PDE8A: variants seen among roughly 807,000 people sequenced by gnomAD.
PDE8A encodes the protein high affinity cAMP-specific and IBMX-insensitive 3',5'-cyclic phosphodiesterase 8A.
Under a neutral mutation model 105.0 loss-of-function variants are expected in PDE8A, and 59 were observed. The observed-to-expected ratio is 0.56, with a 90% CI of 0.46 to 0.70. PDE8A has a LOEUF of 0.70. Among genes scored for constraint, PDE8A ranks in the 30% least tolerant of loss-of-function variants. PDE8A has a pLI of 0.00. For missense variants in PDE8A, 1,014 were observed against 1,045.9 expected (o/e 0.97, Z 0.42); for synonymous variants, 355 against 371.9 (o/e 0.95, Z 0.52).
At chr15:85,075,613 T>C (rs1176942125) in intron 3 of PDE8A, among the ~76,000 whole-genome samples, 5 of 152,212 alleles carry the variant, frequency 3.3e-5, no homozygotes, top group African/African-American at 1.2e-4. Flanking sequence ...GTAGAATACA[T>C]GTCATCTTAG....
Position 85,076,741 on chromosome 15 carries a change from G to C in PDE8A, c.500G>C (p.Arg167Thr). ...VIVGVVRRVD[R>T]EELSVMPFIS... is the part of the protein sequence containing the mutation. ...ACTGTGTTATTTTGAAGGGTGGATA[G>C]AGAAGAGTTGTCCGTAATGCCTTTC... The change falls in exon 5 of 22, where the codon AGA (arginine) becomes ACA (threonine). Residue 167 changes from arginine to threonine, a missense_variant. Arg to Thr is a moderately conservative substitution (Grantham distance 71, BLOSUM62 -1). Coordinates refer to ENST00000394553, the MANE Select transcript of PDE8A (RefSeq NM_002605.3). The C allele has an allele frequency of 6.3e-7, 1 of 1,594,592 alleles. No individual in the cohort carries two copies.
chr15:85,075,985 C>G (rs1274257228), intron 4 of PDE8A, 67 bp downstream of exon 4: 2 of 807,528 alleles, frequency 2.5e-6, no homozygotes, highest in Non-Finnish European at 4.2e-6. Context: ...AACAGATGGC[C>G]AAATAACAGC....
At chr15:84,993,382 G>A (rs1187838110) in intron 1 of PDE8A, among the ~76,000 whole-genome samples, 3 of 139,162 alleles carry the variant, frequency 2.2e-5, no homozygotes, top group Non-Finnish European at 3.0e-5. Flanking sequence ...GGCAGAGTTT[G>A]TAGTGAGCCG....
chr15:84,987,734 C>T (rs957230100), intron 1 of PDE8A, among the ~76,000 whole-genome samples: 1 of 151,980 alleles, frequency 6.6e-6, no homozygotes, highest in Admixed American at 6.5e-5. Context: ...ACCTCGGCCT[C>T]CCAGAGTGCT....
chr15:85,058,995 C>G (rs892555832), intron 1 of PDE8A, among the ~76,000 whole-genome samples: 1 of 152,014 alleles, frequency 6.6e-6, no homozygotes, highest in Non-Finnish European at 1.5e-5. Flanking sequence ...GATTTGAGAT[C>G]TTATTTTCTA....
At chr15:85,055,488 G>A (rs1207505789) in intron 1 of PDE8A, among the ~76,000 whole-genome samples, 1 of 152,158 alleles carries the variant, frequency 6.6e-6, no homozygotes, top group Non-Finnish European at 1.5e-5. Context: ...ATGAATCTGG[G>A]TGCTCCTGTA....
intron 1 of PDE8A, chr15:85,062,469 G>A (rs1186256330): frequency 1.3e-5 from 2 of 152,208 alleles, no homozygotes; most frequent in Non-Finnish European, 2.9e-5. Flanking sequence ...TGAAAGGAGA[G>A]GAAGGGCACT....
chr15:85,113,814 C>T (rs1258314130), intron 13 of PDE8A, 59 bp from the exon 14 acceptor site: 2 of 1,336,790 alleles, frequency 1.5e-6, no homozygotes, highest in Non-Finnish European at 1.1e-6. Flanking sequence ...ACTGCCATGC[C>T]TGGCTCTCCC....
At chr15:85,047,666 G>A (rs1353926443) in intron 1 of PDE8A, among the ~76,000 whole-genome samples, 2 of 152,084 alleles carry the variant, frequency 1.3e-5, no homozygotes, top group Non-Finnish European at 2.9e-5. Flanking sequence ...AAATCCAAAG[G>A]TGAGTTACTT....
chr15:85,100,408 G>T, intron 11 of PDE8A: 1 of 587,830 alleles, frequency 1.7e-6, no homozygotes, highest in Non-Finnish European at 3.0e-6. Context: ...CCCTGGGGCG[G>T]GTCTCTGAGC....
intron 12 of PDE8A, among the ~76,000 whole-genome samples, chr15:85,111,251 T>A (rs890851025): frequency 1.3e-5 from 2 of 152,240 alleles, no homozygotes; most frequent in African/African-American, 4.8e-5. Context: ...GGTTTTCTAT[T>A]ATTACTTGCG....
At chr15:85,066,922 GA>G (rs1567261896) in intron 2 of PDE8A, 91 bp from the exon 3 acceptor site, 1 of 948,132 alleles carries the variant, frequency 1.1e-6, no homozygotes, top group Non-Finnish European at 1.6e-6. Context: ...CTGAGCAACA[GA>G]GCAAGACTCT....
At chr15:84,999,348 C>T (rs903068616) in intron 1 of PDE8A, among the ~76,000 whole-genome samples, 3 of 152,098 alleles carry the variant, frequency 2.0e-5, no homozygotes, top group Non-Finnish European at 4.4e-5. Flanking sequence ...TCTTTGAACT[C>T]CTGACCTCAG....
chr15:84,999,121 CTTTTTT>C (rs35710429), intron 1 of PDE8A, among the ~76,000 whole-genome samples: 3 of 131,498 alleles, frequency 2.3e-5, no homozygotes, highest in African/African-American at 8.6e-5. Flanking sequence ...AGGTCACATT[CTTTTTT>C]TTTTTTTTTT....
intron 19 of PDE8A, 144 bp downstream of exon 19, chr15:85,123,337 T>C (rs1358295351): frequency 6.1e-5 from 20 of 330,376 alleles, no homozygotes; most frequent in African/African-American, 7.5e-5. Flanking sequence ...ACTAATGGGA[T>C]ACACACACAC....
chr15:85,024,176 C>G (rs903816509), intron 1 of PDE8A, among the ~76,000 whole-genome samples: 1 of 152,184 alleles, frequency 6.6e-6, no homozygotes, highest in East Asian at 1.9e-4. Flanking sequence ...ATCCGTCTAT[C>G]TGTCCCTATG....
At position 84,982,185 on chromosome 15, in the gene PDE8A, A is replaced by G. The variant is rs1468378020; in HGVS notation, c.23A>G (p.His8Arg). 1 of 1,483,402 alleles carries G rather than the reference A, an allele frequency of 6.7e-7. No individual in the cohort carries two copies. Among genetic ancestry groups the G allele is most frequent in the Admixed American group, 2.3e-5 (1 of 43,356 alleles). The allele number at this position is 1,483,402 out of a possible 1,614,324, so 91.9% of individuals were successfully genotyped here. The change falls in exon 1 of 22, where the codon CAC becomes CGC. Residue 8 changes from histidine to arginine, a missense_variant. Transcript: ENST00000394553. Reference protein sequence around the residue: MGCAPSIHISERLVAEDA... With the variant: MGCAPSIRISERLVAEDA... Reference sequence around the variant, plus strand: ...AGCATGGGCTGTGCCCCGAGCATCCACATTTCCGAGCGCCTGGTGGCCGAG... The same window carrying G: ...AGCATGGGCTGTGCCCCGAGCATCCGCATTTCCGAGCGCCTGGTGGCCGAG...
intron 20 of PDE8A, among the ~76,000 whole-genome samples, chr15:85,134,873 G>A (rs1046894056): frequency 6.6e-6 from 1 of 151,940 alleles, no homozygotes; most frequent in Non-Finnish European, 1.5e-5. Context: ...AGAGCCTGAG[G>A]TGCTGGGCCA....
At chr15:84,995,293 T>C (rs767089705) in intron 1 of PDE8A, among the ~76,000 whole-genome samples, 34 of 150,988 alleles carry the variant, frequency 2.3e-4, no homozygotes, top group Non-Finnish European at 4.1e-4. Flanking sequence ...AATTTTAATA[T>C]AAGTGGAGTT....
Sources: allele counts gnomAD v4.1 joint callset (sites outside exome capture counted in the v4.1 genomes callset), GRCh38; gene constraint gnomAD v4.1.1; transcripts MANE v1.5; gene names NCBI Gene and HGNC (gene_info 2026-07-23, HGNC 2026-07-21).